The following UBAC2 variants were observed in gnomAD, a reference collection of about 807,000 sequenced individuals.
UBAC2 encodes the protein ubiquitin-associated domain-containing protein 2.
In UBAC2, 26 loss-of-function variants were observed where a neutral mutation model predicts 44.0. The observed-to-expected ratio is 0.59, with a 90% CI of 0.43 to 0.82. The LOEUF (loss-of-function observed/expected upper bound fraction) is 0.82. Ranked by LOEUF, UBAC2 falls within the 40% of genes least tolerant of loss-of-function variation. UBAC2 has a pLI of 0.00. For missense variants in UBAC2, 329 were observed against 419.4 expected (o/e 0.78, Z 1.88); for synonymous variants, 155 against 154.3 (o/e 1.00, Z -0.04).
At chr13:99,320,897 C>A (rs1164811118) in intron 6 of UBAC2, among the ~76,000 whole-genome samples, 3 of 152,198 alleles carry the variant, frequency 2.0e-5, no homozygotes, top group African/African-American at 7.2e-5. Context: ...TCCCCTCTTC[C>A]TTTATAGATC....
At chr13:99,237,265 T>TACACACACACAC (rs778879715) in intron 1 of UBAC2, among the ~76,000 whole-genome samples, 52 of 114,074 alleles carry the variant, frequency 4.6e-4, no homozygotes, top group South Asian at 4.1e-3. Context: ...TATATATATA[T>TACACACACACAC]ATATATACAC....
At chr13:99,239,209 T>C (rs1425638173) in intron 2 of UBAC2, among the ~76,000 whole-genome samples, 1 of 152,262 alleles carries the variant, frequency 6.6e-6, no homozygotes, top group Non-Finnish European at 1.5e-5. Context: ...TTCTTCATAG[T>C]GATATAATTA....
intron 7 of UBAC2, among the ~76,000 whole-genome samples, chr13:99,362,655 A>G (rs1475823558): frequency 6.6e-6 from 1 of 152,206 alleles, no homozygotes; most frequent in Admixed American, 6.5e-5. Flanking sequence ...CCTTCTGTAA[A>G]TGGAGTATTC....
chr13:99,366,400 G>T (rs971420485), intron 7 of UBAC2, among the ~76,000 whole-genome samples: 2 of 152,120 alleles, frequency 1.3e-5, no homozygotes, highest in Non-Finnish European at 2.9e-5. Context: ...TAACCCCAAG[G>T]CAAGAGAATA....
At chr13:99,336,898 A>G (rs1380292308) in intron 6 of UBAC2, among the ~76,000 whole-genome samples, 1 of 151,222 alleles carries the variant, frequency 6.6e-6, no homozygotes, top group Non-Finnish European at 1.5e-5. Flanking sequence ...CCCGCAGCCC[A>G]TGGTGCCCCC....
chr13:99,354,863 G>A (rs2045153096), intron 7 of UBAC2, among the ~76,000 whole-genome samples: 2 of 152,108 alleles, frequency 1.3e-5, no homozygotes, highest in South Asian at 2.1e-4. Context: ...GCATAATCTC[G>A]GAGTGCAACA....
At chr13:99,308,082 A>G (rs556142466) in intron 4 of UBAC2, 2 of 152,382 alleles carry the variant, frequency 1.3e-5, no homozygotes, top group African/African-American at 4.8e-5. Context: ...CATTCACCTC[A>G]TAGTTGTAGT....
intron 4 of UBAC2, among the ~76,000 whole-genome samples, chr13:99,252,270 T>A (rs1398869225): frequency 1.3e-5 from 2 of 152,260 alleles, no homozygotes; most frequent in East Asian, 3.8e-4. Flanking sequence ...TGTTAGTATT[T>A]ATTATATTAC....
intron 8 of UBAC2, among the ~76,000 whole-genome samples, chr13:99,381,773 G>A (rs956655137): frequency 6.6e-6 from 1 of 152,220 alleles, no homozygotes. Flanking sequence ...GCTTGAGAAA[G>A]CACAGGGAGG....
chr13:99,220,765 C>A (rs925878643), intron 1 of UBAC2, among the ~76,000 whole-genome samples: 1 of 151,882 alleles, frequency 6.6e-6, no homozygotes, highest in African/African-American at 2.4e-5. Flanking sequence ...ACAGAGAGGC[C>A]GAAGATTACT....
chr13:99,256,754 T>C lies in UBAC2; in HGVS notation c.389+12130T>C, dbSNP rs143842731. 2.4e-3 allele frequency among the ~76,000 whole-genome samples: 361 copies of C among 151,778 alleles called. 4 individuals carry two copies. Among genetic ancestry groups the C allele is most frequent in the South Asian group, 0.011 (51 of 4,814 alleles). Reference sequence around the variant, plus strand: ...CATTTTAAATGGAAAGGAGGTTATTTGGGGTTGCAAATATCATTGACTCCT... The same window carrying C: ...CATTTTAAATGGAAAGGAGGTTATTCGGGGTTGCAAATATCATTGACTCCT... On this transcript the variant is annotated intron_variant, in intron 4 of 8. Coordinates refer to ENST00000403766, the MANE Select transcript of UBAC2 (RefSeq NM_001144072.2).
intron 4 of UBAC2, among the ~76,000 whole-genome samples, chr13:99,311,906 G>C (rs563143178): frequency 6.6e-6 from 1 of 152,336 alleles, no homozygotes; most frequent in South Asian, 2.1e-4. Context: ...GTAGGAACCC[G>C]CTGTGCCGTG....
intron 4 of UBAC2, among the ~76,000 whole-genome samples, chr13:99,244,901 C>T (rs1256076584): frequency 3.3e-5 from 5 of 151,606 alleles, no homozygotes; most frequent in African/African-American, 4.8e-5. Flanking sequence ...GGCACGATCT[C>T]GGCTCACTAC....
chr13:99,219,060 A>G (rs927382524), intron 1 of UBAC2, among the ~76,000 whole-genome samples: 16 of 152,220 alleles, frequency 1.1e-4, no homozygotes, highest in African/African-American at 3.4e-4. Flanking sequence ...TCTTGTGAGA[A>G]CCCTGAGAAG....
At chr13:99,258,890 A>G (rs1594060289) in intron 4 of UBAC2, among the ~76,000 whole-genome samples, 1 of 152,198 alleles carries the variant, frequency 6.6e-6, no homozygotes, top group African/African-American at 2.4e-5. Context: ...ACTTTTTACT[A>G]TTTAAACATT....
chr13:99,328,128 C>T (rs780550413), intron 6 of UBAC2, among the ~76,000 whole-genome samples: 1 of 152,162 alleles, frequency 6.6e-6, no homozygotes. Flanking sequence ...TTACTTCTTT[C>T]ACTTGAACAT....
intron 7 of UBAC2, among the ~76,000 whole-genome samples, chr13:99,348,230 G>A (rs1014405058): frequency 6.6e-6 from 1 of 152,218 alleles, no homozygotes; most frequent in Non-Finnish European, 1.5e-5. Context: ...TGCCCTGAGG[G>A]ATTAAATAAG....
intron 4 of UBAC2, among the ~76,000 whole-genome samples, chr13:99,284,827 G>A (rs932398021): frequency 2.0e-5 from 3 of 152,144 alleles, no homozygotes; most frequent in Non-Finnish European, 4.4e-5. Flanking sequence ...TTCTAAGGCT[G>A]CTGGAAAATT....
intron 4 of UBAC2, among the ~76,000 whole-genome samples, chr13:99,272,223 A>G (rs1026737536): frequency 7.9e-5 from 12 of 152,178 alleles, no homozygotes; most frequent in Admixed American, 7.9e-4. Context: ...GTGGGCCACT[A>G]AAGCAGCCCA....
Sources: allele counts gnomAD v4.1 joint callset (sites outside exome capture counted in the v4.1 genomes callset), GRCh38; gene constraint gnomAD v4.1.1; transcripts MANE v1.5; gene names NCBI Gene and HGNC (gene_info 2026-07-23, HGNC 2026-07-21).